FARS2: variants seen among roughly 807,000 people sequenced by gnomAD.
FARS2 encodes phenylalanyl-tRNA synthetase 2, mitochondrial, also known as phenylalanine--tRNA ligase, mitochondrial.
FARS2 carries 40 observed loss-of-function variants against 46.4 expected under a neutral mutation model. That is an observed-to-expected ratio of 0.86 (90% CI 0.67 to 1.12). The LOEUF (loss-of-function observed/expected upper bound fraction) is 1.12. Among genes scored for constraint, FARS2 ranks in the 50% most tolerant of loss-of-function variants. The probability of loss-of-function intolerance (pLI) is 0.00; values close to 1 mark genes in which losing one functional copy is unlikely to be tolerated. For synonymous variants in FARS2, 234 were observed against 214.9 expected (o/e 1.09, Z -0.78); for missense variants, 513 against 567.9 (o/e 0.90, Z 0.98).
At chr6:5,527,535 G>A (rs1026484590) in intron 4 of FARS2, among the ~76,000 whole-genome samples, 2 of 152,222 alleles carry the variant, frequency 1.3e-5, no homozygotes, top group African/African-American at 2.4e-5. Context: ...TGTTTCAACA[G>A]TGTTTCCTCA....
At chr6:5,386,832 T>C (rs1399996980) in intron 2 of FARS2, among the ~76,000 whole-genome samples, 1 of 152,104 alleles carries the variant, frequency 6.6e-6, no homozygotes, top group African/African-American at 2.4e-5. Context: ...AATGCCCCCT[T>C]GGCAGGTGCA....
chr6:5,506,164 A>G (rs1043308250), intron 4 of FARS2, among the ~76,000 whole-genome samples: 7 of 152,186 alleles, frequency 4.6e-5, no homozygotes, highest in African/African-American at 1.7e-4. Flanking sequence ...AGAGCAGGGC[A>G]AGAAAGCCTA....
intron 4 of FARS2, among the ~76,000 whole-genome samples, chr6:5,453,403 C>A (rs1226935664): frequency 2.0e-5 from 3 of 152,190 alleles, no homozygotes; most frequent in Admixed American, 1.3e-4. Flanking sequence ...ATACTATCTA[C>A]AGTGTCTGCA....
intron 6 of FARS2, among the ~76,000 whole-genome samples, chr6:5,680,974 CAAT>C (rs1054110327): frequency 3.6e-4 from 55 of 152,198 alleles, no homozygotes; most frequent in African/African-American, 1.2e-3. Flanking sequence ...AATATAAAAA[CAAT>C]AATATCTGCT....
At chr6:5,364,038 C>T (rs1356095816) in intron 1 of FARS2, among the ~76,000 whole-genome samples, 6 of 152,168 alleles carry the variant, frequency 3.9e-5, no homozygotes, top group Non-Finnish European at 8.8e-5. Flanking sequence ...CTGTTTCCCT[C>T]TACAAAAGAT....
At chr6:5,344,915 G>A (rs1012441930) in intron 1 of FARS2, among the ~76,000 whole-genome samples, 1 of 151,294 alleles carries the variant, frequency 6.6e-6, no homozygotes, top group Non-Finnish European at 1.5e-5. Context: ...TCAACCTCCC[G>A]GGTAGCTGGT....
chr6:5,298,572 T>G (rs188280151), intron 1 of FARS2, among the ~76,000 whole-genome samples: 1 of 152,320 alleles, frequency 6.6e-6, no homozygotes, highest in African/African-American at 2.4e-5. Context: ...GCAGTCCACC[T>G]GGGGAGCTTA....
At chr6:5,708,346 G>A (rs1427875903) in intron 6 of FARS2, among the ~76,000 whole-genome samples, 4 of 152,060 alleles carry the variant, frequency 2.6e-5, no homozygotes, top group Admixed American at 2.6e-4. Flanking sequence ...TTATCAGGAT[G>A]TGAGATCCAA....
chr6:5,557,119 T>G (rs1771709462), intron 5 of FARS2, among the ~76,000 whole-genome samples: 1 of 152,174 alleles, frequency 6.6e-6, no homozygotes, highest in African/African-American at 2.4e-5. Context: ...AGAAAGGTCG[T>G]ATCAATTAAG....
intron 4 of FARS2, among the ~76,000 whole-genome samples, chr6:5,489,439 A>C (rs1264772528): frequency 1.3e-5 from 2 of 152,132 alleles, no homozygotes; most frequent in African/African-American, 2.4e-5. Context: ...GGGTGACAGA[A>C]TGAAACTCCA....
intron 6 of FARS2, among the ~76,000 whole-genome samples, chr6:5,702,977 T>C (rs967904739): frequency 6.6e-6 from 1 of 152,172 alleles, no homozygotes; most frequent in Non-Finnish European, 1.5e-5. Context: ...CAGGCCCTGC[T>C]TTGGTTTTGT....
rs895484808 is a variant in FARS2, at chr6:5,627,791, G to A, written c.1217+14471G>A. ...TATGTTATATTGTTTTTTCTCCAGA[G>A]GTAACTAACCTAACTTGATATATAG... On this transcript the variant is annotated intron_variant, in intron 6 of 6. Coordinates refer to ENST00000274680, the MANE Select transcript of FARS2 (RefSeq NM_006567.5). Among the ~76,000 whole-genome samples the A allele has an allele frequency of 8.5e-5, 13 of 152,252 alleles. No individual in the cohort carries two copies. In the East Asian group the frequency reaches 2.1e-3, roughly 25 times the overall value.
intron 1 of FARS2, among the ~76,000 whole-genome samples, chr6:5,324,187 G>T (rs566523949): frequency 6.6e-6 from 1 of 152,244 alleles, no homozygotes; most frequent in African/African-American, 2.4e-5. Flanking sequence ...TGCCATTCGT[G>T]TTTCTTTCCT....
intron 5 of FARS2, among the ~76,000 whole-genome samples, chr6:5,565,389 T>C (rs1158713312): frequency 6.6e-6 from 1 of 152,232 alleles, no homozygotes; most frequent in Admixed American, 6.5e-5. Context: ...TATTACAATC[T>C]TTAAAGCTAT....
At chr6:5,733,622 C>T (rs1760781054) in intron 6 of FARS2, among the ~76,000 whole-genome samples, 1 of 152,190 alleles carries the variant, frequency 6.6e-6, no homozygotes, top group African/African-American at 2.4e-5. Context: ...CTTTAACTGC[C>T]TTTGCTCAAG....
chr6:5,387,304 G>T (rs1047223770), intron 2 of FARS2, among the ~76,000 whole-genome samples: 1 of 152,182 alleles, frequency 6.6e-6, no homozygotes, highest in Admixed American at 6.5e-5. Flanking sequence ...AGTAACACCT[G>T]CCGCCTGACC....
intron 1 of FARS2, among the ~76,000 whole-genome samples, chr6:5,332,371 T>A (rs1284196618): frequency 6.6e-6 from 1 of 152,194 alleles, no homozygotes; most frequent in Non-Finnish European, 1.5e-5. Flanking sequence ...AGGCTGGCAA[T>A]AGTTTCCTGC....
chr6:5,568,753 T>C (rs1772462497), intron 5 of FARS2, among the ~76,000 whole-genome samples: 1 of 152,202 alleles, frequency 6.6e-6, no homozygotes, highest in Non-Finnish European at 1.5e-5. Context: ...CATCCAATTT[T>C]GTGATCAGAT....
chr6:5,575,951 C>A (rs1772936736), intron 5 of FARS2, among the ~76,000 whole-genome samples: 1 of 152,130 alleles, frequency 6.6e-6, no homozygotes, highest in East Asian at 1.9e-4. Flanking sequence ...TGTCAGTTTG[C>A]CCCCATATTG....
Sources: gnomAD v4.1 joint callset for allele counts (sites outside exome capture counted in the v4.1 genomes callset) on GRCh38, gnomAD v4.1.1 for gene constraint, MANE v1.5 for transcripts, NCBI Gene and HGNC (gene_info 2026-07-23, HGNC 2026-07-21) for gene names.